The following PPP2R5C variants were observed in gnomAD, a reference collection of about 807,000 sequenced individuals.
PPP2R5C encodes the protein serine/threonine-protein phosphatase 2A 56 kDa regulatory subunit gamma isoform.
PPP2R5C carries 7 observed loss-of-function variants against 68.9 expected under a neutral mutation model. The ratio of observed to expected loss-of-function variants is 0.10; its 90% CI spans 0.06 to 0.19. PPP2R5C has a LOEUF of 0.19. Ranked by LOEUF, PPP2R5C falls within the 10% of genes least tolerant of loss-of-function variation. The pLI is 1.00. For synonymous variants in PPP2R5C, 210 were observed against 222.2 expected (o/e 0.95, Z 0.49); for missense variants, 348 against 641.3 (o/e 0.54, Z 4.94).
intron 2 of PPP2R5C, among the ~76,000 whole-genome samples, chr14:101,862,070 A>T (rs2042776817): frequency 6.6e-6 from 1 of 151,920 alleles, no homozygotes; most frequent in African/African-American, 2.4e-5. Context: ...GCACCACCAT[A>T]CCCAGCTGAT....
chr14:101,843,480 T>C, intron 1 of PPP2R5C: 1 of 186,648 alleles, frequency 5.4e-6, no homozygotes, highest in Non-Finnish European at 1.2e-5. Context: ...TTTCTTGGCT[T>C]CCACTCTGAA....
chr14:101,780,479 G>C (rs781230518), intron 2 of PPP2R5C, among the ~76,000 whole-genome samples: 31 of 152,290 alleles, frequency 2.0e-4, no homozygotes, highest in Middle Eastern at 3.4e-3. Flanking sequence ...GTCGCCGCTT[G>C]GGGGGAGGGG....
At chr14:101,885,924 C>T (rs1432118657) in intron 5 of PPP2R5C, among the ~76,000 whole-genome samples, 1 of 152,164 alleles carries the variant, frequency 6.6e-6, no homozygotes, top group Non-Finnish European at 1.5e-5. Flanking sequence ...TTTCTGTTTT[C>T]TTAATTCTAG....
At chr14:101,862,103 C>T (rs1481203565) in intron 2 of PPP2R5C, among the ~76,000 whole-genome samples, 2 of 152,044 alleles carry the variant, frequency 1.3e-5, no homozygotes, top group African/African-American at 4.8e-5. Flanking sequence ...TTTGTAGACA[C>T]GGGGTCTCCA....
chr14:101,789,006 C>G (rs1034401469), intron 3 of PPP2R5C, among the ~76,000 whole-genome samples: 6 of 152,066 alleles, frequency 3.9e-5, no homozygotes, highest in Admixed American at 3.9e-4. Context: ...CCCATTTCCA[C>G]TTCTAATTGG....
intron 1 of PPP2R5C, among the ~76,000 whole-genome samples, chr14:101,826,183 GTC>G (rs141180266): frequency 0.098 from 14,938 of 152,152 alleles, 790 homozygotes; most frequent in Admixed American, 0.15. Context: ...TTTGTTTTCT[GTC>G]TCCTATGCTT....
At chr14:101,871,156 G>A (rs1333869985) in intron 2 of PPP2R5C, among the ~76,000 whole-genome samples, 1 of 151,862 alleles carries the variant, frequency 6.6e-6, no homozygotes, top group Non-Finnish European at 1.5e-5. Flanking sequence ...TGATCAGTTC[G>A]TATCTTTATA....
At chr14:101,860,700 T>C (rs2042691482) in intron 2 of PPP2R5C, among the ~76,000 whole-genome samples, 1 of 152,246 alleles carries the variant, frequency 6.6e-6, no homozygotes, top group Non-Finnish European at 1.5e-5. Flanking sequence ...TTATGATCTG[T>C]TTTATTACAG....
chr14:101,883,202 A>G, intron 3 of PPP2R5C, 55 bp from the exon 6 acceptor site: 1 of 1,245,102 alleles, frequency 8.0e-7, no homozygotes, highest in South Asian at 1.4e-5. Context: ...GTATATTTTA[A>G]CCGCCATTCA....
At chr14:101,844,882 C>A (rs1329280920) in intron 1 of PPP2R5C, among the ~76,000 whole-genome samples, 1 of 152,176 alleles carries the variant, frequency 6.6e-6, no homozygotes, top group Non-Finnish European at 1.5e-5. Context: ...AGCTTCTTGT[C>A]ACCAGGTGCA....
In PPP2R5C at chr14:101,892,985, A is replaced by C; in HGVS notation, c.690-15A>C. On this transcript the variant is annotated splice_polypyrimidine_tract_variant and intron_variant, in intron 6 of 13. Coordinates refer to ENST00000334743, the Ensembl canonical transcript of PPP2R5C. ...ATTCGTAAATGTTCAAACCTAATAA[A>C]TGTTCTTTTTACAGTATAATTAATG... The C allele has an allele frequency of 6.7e-7, 1 of 1,500,720 alleles. No homozygotes were observed. Among genetic ancestry groups the C allele is most frequent in the Non-Finnish European group, 9.2e-7 (1 of 1,082,540 alleles). 93.0% of individuals were successfully genotyped at this position (1,500,720 alleles called of 1,614,324 possible).
intron 1 of PPP2R5C, chr14:101,823,930 T>C: frequency 7.8e-7 from 1 of 1,282,880 alleles, no homozygotes; most frequent in South Asian, 1.2e-5. Context: ...ATGCAGATTC[T>C]GGGTCACGAA....
rs181122808 is a variant in PPP2R5C, at chr14:101,831,793, G to T, written c.94+21757G>T. 5.4e-4 allele frequency: 377 copies of T among 702,042 alleles called. 3 individuals are homozygous for T. In the East Asian group the frequency reaches 0.01, roughly 19 times the overall value. 43.5% of individuals were successfully genotyped at this position (702,042 alleles called of 1,614,324 possible). On this transcript the variant is annotated intron_variant, in intron 1 of 13. Coordinates refer to ENST00000334743, the Ensembl canonical transcript of PPP2R5C. ...CGGGCCGACTGTGGGACTTGAATAT[G>T]CGTGGATTTGGGTAAGCGTGGTGGT...
chr14:101,860,837 T>C (rs906819594), intron 2 of PPP2R5C, among the ~76,000 whole-genome samples: 2 of 152,212 alleles, frequency 1.3e-5, no homozygotes, highest in Admixed American at 6.5e-5. Context: ...ACCTAGAAAT[T>C]AATGGAAACG....
At chr14:101,803,585 G>A (rs544552927) in intron 3 of PPP2R5C, among the ~76,000 whole-genome samples, 23 of 152,028 alleles carry the variant, frequency 1.5e-4, no homozygotes, top group Admixed American at 2.6e-4. Flanking sequence ...TCAGCCGGGC[G>A]TGGTGGCGGG....
At chr14:101,872,219 C>CTTTTTTTTTTTTTTTTTTT (rs386382344) in intron 2 of PPP2R5C, among the ~76,000 whole-genome samples, 3 of 91,182 alleles carry the variant, frequency 3.3e-5, no homozygotes, top group African/African-American at 1.0e-4. Flanking sequence ...TTTCTTTTGC[C>CTTTTTTTTTTTTTTTTTTT]TTTTTTTTTT....
intron 1 of PPP2R5C, among the ~76,000 whole-genome samples, chr14:101,854,400 C>T (rs922946199): frequency 1.3e-5 from 2 of 152,172 alleles, no homozygotes; most frequent in Admixed American, 6.5e-5. Context: ...TCACATGGCA[C>T]CTACCCTCAA....
chr14:101,761,524 C>A (rs1460221356), upstream of PPP2R5C, among the ~76,000 whole-genome samples: 1 of 139,750 alleles, frequency 7.2e-6, no homozygotes, highest in East Asian at 2.2e-4. Context: ...CGTTAGGGTA[C>A]GTGGGGGCGC....
intron 2 of PPP2R5C, among the ~76,000 whole-genome samples, chr14:101,863,667 C>CT (rs2042890492): frequency 6.6e-6 from 1 of 152,160 alleles, no homozygotes; most frequent in Non-Finnish European, 1.5e-5. Flanking sequence ...GAGGCCAAGG[C>CT]TGGCGGATCA....
Sources: gnomAD v4.1 joint callset for allele counts (sites outside exome capture counted in the v4.1 genomes callset) on GRCh38, gnomAD v4.1.1 for gene constraint, MANE v1.5 for transcripts, NCBI Gene and HGNC (gene_info 2026-07-23, HGNC 2026-07-21) for gene names.